Variants in ITCH observed in about 807,000 individuals in gnomAD.
ITCH encodes E3 ubiquitin-protein ligase Itchy homolog.
A neutral mutation model predicts 126.8 loss-of-function variants in ITCH; 28 were observed. The ratio of observed to expected loss-of-function variants is 0.22; its 90% CI spans 0.16 to 0.30. ITCH has a LOEUF of 0.30. Ranked by LOEUF, ITCH falls within the 10% of genes least tolerant of loss-of-function variation. The probability of loss-of-function intolerance (pLI) is 1.00; values close to 1 mark genes in which losing one functional copy is unlikely to be tolerated. For synonymous variants in ITCH, 342 were observed against 340.0 expected (o/e 1.01, Z -0.06); for missense variants, 631 against 1,032.4 (o/e 0.61, Z 5.33).
At chr20:34,462,998 A>C (rs140589190) in intron 14 of ITCH, among the ~76,000 whole-genome samples, 1 of 152,326 alleles carries the variant, frequency 6.6e-6, no homozygotes, top group African/African-American at 2.4e-5. Flanking sequence ...TTGTTTATTC[A>C]CAGATATTTG....
intron 2 of ITCH, among the ~76,000 whole-genome samples, chr20:34,376,593 T>C (rs1601749186): frequency 6.6e-6 from 1 of 152,152 alleles, no homozygotes; most frequent in East Asian, 1.9e-4. Flanking sequence ...TATGCCAAGG[T>C]GCAGAGGCAG....
At chr20:34,502,483 G>T (rs1569011104) in intron 23 of ITCH, among the ~76,000 whole-genome samples, 1 of 152,172 alleles carries the variant, frequency 6.6e-6, no homozygotes, top group Non-Finnish European at 1.5e-5. Context: ...GGCCGAGACG[G>T]TTGGGTCACT....
chr20:34,390,647 A>G (rs1325583535), intron 2 of ITCH, among the ~76,000 whole-genome samples: 2 of 152,022 alleles, frequency 1.3e-5, no homozygotes, highest in East Asian at 3.9e-4. Context: ...ACGAGGTTTC[A>G]CTATGTTGGC....
chr20:34,390,443 CTTT>C (rs546555130), intron 2 of ITCH, among the ~76,000 whole-genome samples: 2 of 90,746 alleles, frequency 2.2e-5, no homozygotes. Flanking sequence ...CAAGAATAAT[CTTT>C]TTTTTTTTTT....
chr20:34,375,617 AC>A (rs1226752772), intron 2 of ITCH, among the ~76,000 whole-genome samples: 3 of 147,142 alleles, frequency 2.0e-5, no homozygotes, highest in East Asian at 4.0e-4. Flanking sequence ...ATAAATATAT[AC>A]CTTTTTTGTC....
At chr20:34,424,590 G>A (rs1981239446) in intron 7 of ITCH, 65 bp downstream of exon 7, 2 of 1,307,148 alleles carry the variant, frequency 1.5e-6, no homozygotes, top group African/African-American at 2.9e-5. Context: ...ATTCATTTTA[G>A]TGTAAACTTC....
intron 11 of ITCH, among the ~76,000 whole-genome samples, chr20:34,446,063 A>G (rs1253507140): frequency 6.6e-6 from 1 of 152,224 alleles, no homozygotes; most frequent in Non-Finnish European, 1.5e-5. Flanking sequence ...TTGCATTAAT[A>G]GTGTAAGTAC....
At chr20:34,378,334 G>C (rs567909563) in intron 2 of ITCH, among the ~76,000 whole-genome samples, 1 of 151,730 alleles carries the variant, frequency 6.6e-6, no homozygotes, top group Non-Finnish European at 1.5e-5. Flanking sequence ...TTAGCCGGGT[G>C]GGGTGGTGGC....
chr20:34,392,074 G>A (rs1601789746), intron 2 of ITCH, among the ~76,000 whole-genome samples: 1 of 151,968 alleles, frequency 6.6e-6, no homozygotes, highest in Admixed American at 6.6e-5. Flanking sequence ...AAATATTGTC[G>A]TTCTATGGCA....
intron 20 of ITCH, among the ~76,000 whole-genome samples, chr20:34,487,644 T>G (rs987784548): frequency 6.6e-6 from 1 of 152,068 alleles, no homozygotes; most frequent in Non-Finnish European, 1.5e-5. Context: ...TTGTACAATA[T>G]AAGAAGCTCA....
rs578011227 is a variant in ITCH, at chr20:34,370,151, G to C, written c.-22+681G>C. ...AACATGGTTCAGTGCAGAAAGAATA[G>C]AGGACTTGGAAAGAAAAGATCTGGG... is the stretch of plus-strand genomic sequence containing the variant. On this transcript the variant is annotated intron_variant, in intron 2 of 24. Coordinates refer to ENST00000374864, the MANE Select transcript of ITCH (RefSeq NM_031483.7). Among the ~76,000 whole-genome samples the C allele has an allele frequency of 3.3e-5, 5 of 150,894 alleles. No individual in the cohort carries two copies. In the South Asian group the frequency reaches 1.1e-3, roughly 32 times the overall value.
chr20:34,467,103 A>G (rs1987137317), intron 14 of ITCH, among the ~76,000 whole-genome samples: 1 of 152,248 alleles, frequency 6.6e-6, no homozygotes, highest in African/African-American at 2.4e-5. Flanking sequence ...AATAAAGGGT[A>G]TATTTATGCC....
chr20:34,498,030 T>C (rs1205751790), intron 23 of ITCH, among the ~76,000 whole-genome samples: 1 of 152,240 alleles, frequency 6.6e-6, no homozygotes, highest in African/African-American at 2.4e-5. Flanking sequence ...TGTTTTATAG[T>C]TTTTGCTGTA....
chr20:34,442,966 ACT>A lies in ITCH; in HGVS notation c.965+666_965+667del, dbSNP rs568162822. 4.3e-3 allele frequency among the ~76,000 whole-genome samples: 631 copies of A among 146,418 alleles called. 7 individuals carry two copies. Among genetic ancestry groups the A allele is most frequent in the African/African-American group, 0.015 (592 of 39,532 alleles). The stretch of plus-strand genomic sequence containing the variant: ...ACTCCAGCCTGGGCGACAGAGCAAG[ACT>A]CTGTCTCAAAAAAAAAAAAAAAATT... On this transcript the variant is annotated intron_variant, in intron 10 of 24. Coordinates refer to ENST00000374864, the MANE Select transcript of ITCH (RefSeq NM_031483.7).
chr20:34,491,962 C>G (rs992851729), intron 22 of ITCH, among the ~76,000 whole-genome samples: 28 of 151,604 alleles, frequency 1.8e-4, no homozygotes, highest in African/African-American at 6.8e-4. Context: ...TGTGTAGCCA[C>G]ATGAATATCC....
intron 9 of ITCH, chr20:34,441,633 T>G (rs541757775): frequency 6.4e-6 from 1 of 155,834 alleles, no homozygotes; most frequent in South Asian, 1.9e-4. Context: ...TTGTCCAGGC[T>G]GGAGTGCAAT....
intron 16 of ITCH, among the ~76,000 whole-genome samples, chr20:34,472,395 A>AAGAAAAAAG (rs33981986): frequency 6.9e-6 from 1 of 145,822 alleles, no homozygotes. Context: ...AAAAAAAAAA[A>AAGAAAAAAG]AACTTGAGTT....
rs779017298 is a variant in ITCH, at chr20:34,372,384, C to CTTTTTTT, written c.-22+2922_-22+2928dup. Among the ~76,000 whole-genome samples the CTTTTTTT allele has an allele frequency of 7.5e-5, 7 of 93,156 alleles. 1 individual carries two copies. Among genetic ancestry groups the CTTTTTTT allele is most frequent in the Non-Finnish European group, 1.4e-4 (7 of 51,704 alleles). The allele number at this position is 93,156 out of a possible 152,430, so 61.1% of individuals were successfully genotyped here. On this transcript the variant is annotated intron_variant, in intron 2 of 24. Coordinates refer to ENST00000374864, the MANE Select transcript of ITCH (RefSeq NM_031483.7). ...AGAAACCATGTTATTTTAAGTTCTACTTTTTTTTTTTTTTGAGAGGGAATC... is the reference window on the plus strand; with the variant it reads ...AGAAACCATGTTATTTTAAGTTCTACTTTTTTTTTTTTTTTTTTTTTGAGAGGGAATC...
chr20:34,484,022 A>G (rs958810448), intron 20 of ITCH, among the ~76,000 whole-genome samples: 2 of 152,194 alleles, frequency 1.3e-5, no homozygotes, highest in Non-Finnish European at 2.9e-5. Flanking sequence ...CTTATTCACT[A>G]TAATGAGAAC....
Sources: allele counts gnomAD v4.1 joint callset (sites outside exome capture counted in the v4.1 genomes callset), GRCh38; gene constraint gnomAD v4.1.1; transcripts MANE v1.5; gene names NCBI Gene and HGNC (gene_info 2026-07-23, HGNC 2026-07-21).